PLCH1: variants seen among roughly 807,000 people sequenced by gnomAD.
PLCH1 encodes 1-phosphatidylinositol 4,5-bisphosphate phosphodiesterase eta-1.
In PLCH1, 60 loss-of-function variants were observed where a neutral mutation model predicts 126.7. The ratio of observed to expected loss-of-function variants is 0.47; its 90% confidence interval spans 0.38 to 0.59. The LOEUF is 0.59. PLCH1 is among the 20% of genes least tolerant of loss of function. The pLI, the probability that PLCH1 is intolerant of heterozygous loss-of-function variation, is 0.00. For synonymous variants in PLCH1, 719 were observed against 734.9 expected, an observed-to-expected ratio of 0.98 and a Z score of 0.35; for missense variants, 1,723 against 2,040.0, an observed-to-expected ratio of 0.84 and a Z score of 2.99.
intron 1 of PLCH1, among the ~76,000 whole-genome samples, chr3:155,714,361 G>A (rs935513104): frequency 1.3e-5 from 2 of 152,128 alleles, no homozygotes; most frequent in Admixed American, 6.6e-5. Flanking sequence ...TCAGAAGCCT[G>A]GGTCAGGTCC....
At chr3:155,532,000 T>G (rs1003918443) in intron 10 of PLCH1, among the ~76,000 whole-genome samples, 1 of 152,264 alleles carries the variant, frequency 6.6e-6, no homozygotes, top group Non-Finnish European at 1.5e-5. Flanking sequence ...GTAGCACTTT[T>G]AATTTTCTTC....
At chr3:155,509,293 T>C (rs1449112592) in intron 12 of PLCH1, among the ~76,000 whole-genome samples, 3 of 114,302 alleles carry the variant, frequency 2.6e-5, no homozygotes, top group Admixed American at 1.6e-4. Flanking sequence ...TGTTGATCCT[T>C]TCAAAAAACC....
At chr3:155,711,992 C>T (rs1168998193) in intron 1 of PLCH1, among the ~76,000 whole-genome samples, 1 of 152,212 alleles carries the variant, frequency 6.6e-6, no homozygotes, top group Non-Finnish European at 1.5e-5. Context: ...ACACCTGAAG[C>T]TAGATCTGTC....
intron 2 of PLCH1, among the ~76,000 whole-genome samples, chr3:155,615,788 G>A (rs1311788017): frequency 6.6e-6 from 1 of 152,076 alleles, no homozygotes; most frequent in East Asian, 1.9e-4. Context: ...TGGGGGTGAA[G>A]GATAAAAGAC....
intron 18 of PLCH1, among the ~76,000 whole-genome samples, chr3:155,491,991 G>A (rs1716282213): frequency 6.6e-6 from 1 of 152,192 alleles, no homozygotes; most frequent in Non-Finnish European, 1.5e-5. Flanking sequence ...TCTAGAAAGA[G>A]CTGACCTAAG....
At position 155,737,231 on chromosome 3, in the gene PLCH1, C is replaced by CAAAAAAAAAAAAAAAAAAAAA. The variant is rs557369057; in HGVS notation, c.-41+7608_-41+7609insTTTTTTTTTTTTTTTTTTTTT. Among the ~76,000 whole-genome samples, 45 of 59,520 alleles carry CAAAAAAAAAAAAAAAAAAAAA rather than the reference C, an allele frequency of 7.6e-4. 4 individuals are homozygous for CAAAAAAAAAAAAAAAAAAAAA. The highest frequency in any genetic ancestry group is 1.9e-3 in the African/African-American group (33 of 17,440). 39.0% of individuals were successfully genotyped at this position (59,520 alleles called of 152,430 possible). A position where few individuals can be genotyped will look rare whatever the true frequency, so the allele number is the denominator to read the frequency against. On this transcript the variant is annotated intron_variant, in intron 1 of 22. Coordinates refer to ENST00000460012, the MANE Select transcript of PLCH1 (RefSeq NM_014996.4). ...TGGGTGACAGAGCAAGCCTCCGTCT[C>CAAAAAAAAAAAAAAAAAAAAA]AAAAAAAAAAAAAAAAAAGAGTATA...
chr3:155,642,341 G>A (rs569082015), intron 2 of PLCH1, among the ~76,000 whole-genome samples: 1 of 152,220 alleles, frequency 6.6e-6, no homozygotes, highest in South Asian at 2.1e-4. Context: ...AACCACTCAG[G>A]ATAAATTGCA....
Position 155,618,294 on chromosome 3 carries a change from A to G in PLCH1, c.80-21916T>C, listed in dbSNP as rs140408360. Among the ~76,000 whole-genome samples, 604 of 152,258 alleles carry G rather than the reference A, an allele frequency of 4.0e-3. 2 individuals are homozygous for G. Among genetic ancestry groups the G allele is most frequent in the African/African-American group, 0.014 (566 of 41,544 alleles). On this transcript the variant is annotated intron_variant, in intron 2 of 22. Coordinates refer to ENST00000460012, the MANE Select transcript of PLCH1 (RefSeq NM_014996.4). The stretch of plus-strand genomic sequence containing the variant: ...AATCTTTTCTGGATTACAAGTCTTC[A>G]AACTAACATTTTCAAAATATCACCC...
At chr3:155,653,037 A>G (rs1740885779) in intron 2 of PLCH1, among the ~76,000 whole-genome samples, 1 of 152,192 alleles carries the variant, frequency 6.6e-6, no homozygotes, top group Non-Finnish European at 1.5e-5. Flanking sequence ...ACTAGTCTAC[A>G]AGACTACTGC....
chr3:155,679,835 G>A (rs555869561), intron 2 of PLCH1, among the ~76,000 whole-genome samples: 1 of 152,170 alleles, frequency 6.6e-6, no homozygotes, highest in African/African-American at 2.4e-5. Context: ...TAAGAAAACT[G>A]AGATTCAAGT....
intron 1 of PLCH1, among the ~76,000 whole-genome samples, chr3:155,724,500 CTT>C (rs1319890563): frequency 6.6e-6 from 1 of 152,124 alleles, no homozygotes; most frequent in Non-Finnish European, 1.5e-5. Context: ...TAATGTCCCT[CTT>C]TGTCTTTTTT....
intron 12 of PLCH1, among the ~76,000 whole-genome samples, chr3:155,506,346 T>C (rs1425169637): frequency 2.9e-5 from 2 of 68,542 alleles, no homozygotes; most frequent in Admixed American, 2.3e-4. Context: ...TCTCACTCTC[T>C]TTTTTTTTTT....
intron 21 of PLCH1, among the ~76,000 whole-genome samples, chr3:155,451,653 G>A (rs945738241): frequency 1.3e-5 from 2 of 152,172 alleles, no homozygotes; most frequent in African/African-American, 4.8e-5. Flanking sequence ...TGGACTAAAA[G>A]TATTCTGTTG....
At chr3:155,543,699 A>G (rs1448163905) in intron 10 of PLCH1, among the ~76,000 whole-genome samples, 1 of 151,960 alleles carries the variant, frequency 6.6e-6, no homozygotes, top group African/African-American at 2.4e-5. Context: ...CTCGGCAGAA[A>G]CTCTACAAGC....
intron 10 of PLCH1, 126 bp from the exon 11 acceptor site, chr3:155,524,130 AATCTT>A: frequency 1.4e-6 from 1 of 692,012 alleles, no homozygotes; most frequent in Admixed American, 2.6e-5. Context: ...CATACAATGG[AATCTT>A]AGCCTTTAAG....
chr3:155,730,982 T>C (rs1460051623), intron 1 of PLCH1, among the ~76,000 whole-genome samples: 3 of 152,172 alleles, frequency 2.0e-5, no homozygotes, highest in African/African-American at 7.2e-5. Context: ...CCGGTAACCA[T>C]GGACTGAGCC....
intron 2 of PLCH1, among the ~76,000 whole-genome samples, chr3:155,672,475 C>T (rs1484534116): frequency 6.6e-6 from 1 of 152,106 alleles, no homozygotes; most frequent in African/African-American, 2.4e-5. Context: ...GAAATGGCCA[C>T]AGACCTTCCT....
rs1244493815 is a variant in PLCH1, at chr3:155,679,957, G to A, written c.79+24189C>T. 7.2e-5 allele frequency among the ~76,000 whole-genome samples: 11 copies of A among 152,228 alleles called. No individual in the cohort carries two copies. The East Asian group carries it at 1.9e-3, about 27-fold the overall frequency. On this transcript the variant is annotated intron_variant, in intron 2 of 22. Coordinates refer to ENST00000460012, the MANE Select transcript of PLCH1 (RefSeq NM_014996.4). ...CTGTGCTTTAGGTCCTGGAAACCAT[G>A]TCTAAAGTTTTAGGCCTGATATCGA...
At position 155,708,048 on chromosome 3, in the gene PLCH1, A is replaced by T. The variant is rs112557691; in HGVS notation, c.-40-3784T>A. On this transcript the variant is annotated intron_variant, in intron 1 of 22. Coordinates refer to ENST00000460012, the MANE Select transcript of PLCH1 (RefSeq NM_014996.4). Reference sequence around the variant, plus strand: ...TAATCCTGTTTCCCAGTTACTGAGAACCTACTATGCATTAGGAACATTGAT... The same window carrying T: ...TAATCCTGTTTCCCAGTTACTGAGATCCTACTATGCATTAGGAACATTGAT... 6.6e-5 allele frequency among the ~76,000 whole-genome samples: 10 copies of T among 152,152 alleles called. 1 individual carries two copies. The highest frequency in any genetic ancestry group is 2.2e-4 in the African/African-American group (9 of 41,432).
Sources: gnomAD v4.1 joint callset for allele counts (sites outside exome capture counted in the v4.1 genomes callset) on GRCh38, gnomAD v4.1.1 for gene constraint, MANE v1.5 for transcripts, NCBI Gene and HGNC (gene_info 2026-07-23, HGNC 2026-07-21) for gene names.